SPINK5: variants seen among roughly 807,000 people sequenced by gnomAD.
SPINK5 encodes serine protease inhibitor Kazal-type 5.
SPINK5 carries 125 observed loss-of-function variants against 151.8 expected under a neutral mutation model. That is an observed-to-expected ratio of 0.82 (90% confidence interval 0.71 to 0.96). The LOEUF is 0.96. SPINK5 is among the 40% of genes least tolerant of loss of function. SPINK5 has a pLI of 0.00. For synonymous variants in SPINK5, 374 were observed against 395.3 expected, an observed-to-expected ratio of 0.95 and a Z score of 0.64; for missense variants, 1,194 against 1,291.9, an observed-to-expected ratio of 0.92 and a Z score of 1.16.
intron 32 of SPINK5, among the ~76,000 whole-genome samples, chr5:148,136,600 T>C (rs1365698203): frequency 6.6e-6 from 1 of 152,174 alleles, no homozygotes; most frequent in Non-Finnish European, 1.5e-5. Flanking sequence ...AGAAAAACAT[T>C]CGTATTACAG....
At position 148,064,059 on chromosome 5, in the gene SPINK5, A is replaced by G; in HGVS notation, c.15A>G (p.Thr5=). The G allele has an allele frequency of 6.2e-7, 1 of 1,614,214 alleles. No homozygotes were observed. Among genetic ancestry groups the G allele is most frequent in the Non-Finnish European group, 8.5e-7 (1 of 1,180,038 alleles). ...TCGTCTTCAACATGAAGATAGCCAC[A>G]GTGTCAGTGCTTCTGCCCTTGGCTC... MKIA[T]VSVLLPLALC... The change falls in exon 1 of 33, where the codon ACA becomes ACG. Residue 5 remains threonine (T), a synonymous_variant. Transcript: ENST00000256084.
Position 148,120,328 on chromosome 5 carries a change from G to C in SPINK5, c.2475G>C (p.Glu825Asp), listed in dbSNP as rs2303070. ...EREAAEKKKK[E>D]DEDRSNTGER... is the part of the protein sequence containing the mutation. Reference sequence around the variant, plus strand: ...AAGCAGCTGAAAAAAAAAAGAAAGAGGATGAAGACAGGAGCAATACAGGAG... The same window carrying C: ...AAGCAGCTGAAAAAAAAAAGAAAGACGATGAAGACAGGAGCAATACAGGAG... Residue 825 changes from glutamate (E) to aspartate (D), a missense_variant, in exon 26 of 33, where the codon GAG becomes GAC. Glu to Asp is a conservative substitution (Grantham distance 45, BLOSUM62 2). Coordinates refer to ENST00000256084, the MANE Select transcript of SPINK5 (RefSeq NM_006846.4). The C allele has an allele frequency of 3.1e-6, 5 of 1,603,716 alleles. No homozygotes were observed. Among genetic ancestry groups the C allele is most frequent in the Non-Finnish European group, 4.3e-6 (5 of 1,174,486 alleles).
At chr5:148,104,563 A>G (rs1201943304) in intron 15 of SPINK5, among the ~76,000 whole-genome samples, 2 of 152,140 alleles carry the variant, frequency 1.3e-5, no homozygotes, top group Non-Finnish European at 2.9e-5. Context: ...ACAATAAATG[A>G]TCAAGCTATG....
At chr5:148,108,876 A>C in intron 18 of SPINK5, 39 bp downstream of exon 18, 1 of 1,608,596 alleles carries the variant, frequency 6.2e-7, no homozygotes, top group Non-Finnish European at 8.5e-7. Flanking sequence ...TAAATATTCA[A>C]CGATCACTCT....
chr5:148,096,791 C>G (rs1385595369), intron 10 of SPINK5, among the ~76,000 whole-genome samples: 1 of 78,762 alleles, frequency 1.3e-5, no homozygotes, highest in African/African-American at 5.6e-5. Flanking sequence ...TCTTTTTTTT[C>G]TCTGTCACCC....
intron 5 of SPINK5, 26 bp downstream of exon 5, chr5:148,086,558 C>T: frequency 6.2e-7 from 1 of 1,608,406 alleles, no homozygotes; most frequent in Non-Finnish European, 8.5e-7. Context: ...AGTAGGCTTT[C>T]TCCCTAAAAC....
chr5:148,103,676 T>A (rs1753706033), intron 15 of SPINK5, among the ~76,000 whole-genome samples: 1 of 152,192 alleles, frequency 6.6e-6, no homozygotes, highest in African/African-American at 2.4e-5. Flanking sequence ...TGAAAAGAAA[T>A]AACCTTTATC....
At chr5:148,127,722 G>T (rs978624415) in intron 30 of SPINK5, among the ~76,000 whole-genome samples, 1 of 152,038 alleles carries the variant, frequency 6.6e-6, no homozygotes, top group Non-Finnish European at 1.5e-5. Context: ...GCTGGGCATG[G>T]TGCCTTGTGC....
chr5:148,097,821 A>G, intron 10 of SPINK5, 46 bp from the exon 11 acceptor site: 2 of 1,557,420 alleles, frequency 1.3e-6, no homozygotes, highest in South Asian at 2.3e-5. Context: ...ACATTCATAC[A>G]TAGAAAACAG....
At chr5:148,097,813 AT>A (rs1753509427) in intron 10 of SPINK5, 53 bp from the exon 11 acceptor site, 2 of 1,533,502 alleles carry the variant, frequency 1.3e-6, no homozygotes, top group South Asian at 2.3e-5. Flanking sequence ...AACATTTAAC[AT>A]TCATACATAG....
At position 148,104,948 on chromosome 5, in the gene SPINK5, A is replaced by G. The variant is rs2113132837; in HGVS notation, c.1431-4A>G. The G allele has an allele frequency of 6.2e-7, 1 of 1,612,052 alleles. No homozygotes were observed. The highest frequency in any genetic ancestry group is 1.1e-5 in the South Asian group (1 of 90,458). ...TCTCTCTTTTTCTTTTCGGTTTCTT[A>G]AAGTCAACAAGAAGAAAGAGCAAGA... On this transcript the variant is annotated splice_region_variant and splice_polypyrimidine_tract_variant and intron_variant, in intron 15 of 32. Coordinates refer to ENST00000256084, the MANE Select transcript of SPINK5 (RefSeq NM_006846.4).
At chr5:148,120,197 A>T in intron 25 of SPINK5, 61 bp downstream of exon 25, 1 of 1,613,186 alleles carries the variant, frequency 6.2e-7, no homozygotes, top group South Asian at 1.1e-5. Context: ...ATCATTTCTT[A>T]CCAGTTTGGG....
intron 23 of SPINK5, among the ~76,000 whole-genome samples, 199 bp downstream of exon 23, chr5:148,118,763 T>C (rs1257051227): frequency 6.6e-6 from 1 of 152,210 alleles, no homozygotes; most frequent in African/African-American, 2.4e-5. Flanking sequence ...TGATTTCTAT[T>C]GTATTTTCTA....
chr5:148,125,300 C>T (rs1208251198), intron 28 of SPINK5, among the ~76,000 whole-genome samples: 3 of 152,122 alleles, frequency 2.0e-5, no homozygotes, highest in Non-Finnish European at 2.9e-5. Flanking sequence ...AGTGTGCATG[C>T]GTGATGCTTT....
chr5:148,099,128 A>T (rs1304312009), intron 11 of SPINK5, 106 bp from the exon 12 acceptor site: 2 of 1,028,752 alleles, frequency 1.9e-6, no homozygotes, highest in Non-Finnish European at 2.9e-6. Context: ...AAGGGACAAA[A>T]TTGTTCCACT....
chr5:148,097,155 C>G (rs1581076733), intron 10 of SPINK5, among the ~76,000 whole-genome samples: 1 of 151,086 alleles, frequency 6.6e-6, no homozygotes, highest in Admixed American at 6.6e-5. Flanking sequence ...GTTCTAACTT[C>G]AGTCCCTAGT....
At position 148,064,113 on chromosome 5, in the gene SPINK5, G is replaced by A. The variant is rs1399666623; in HGVS notation, c.55+14G>A. The A allele has an allele frequency of 1.2e-6, 2 of 1,613,988 alleles. No homozygotes were observed. Among genetic ancestry groups the A allele is most frequent in the Non-Finnish European group, 1.7e-6 (2 of 1,179,954 alleles). ...GCCTCATACAAGGTGAGCAATTTGTGTGTAATCTAAGCCTCTTGCCACACA... is the reference window on the plus strand; with the variant it reads ...GCCTCATACAAGGTGAGCAATTTGTATGTAATCTAAGCCTCTTGCCACACA... On this transcript the variant is annotated intron_variant, in intron 1 of 32. Coordinates refer to ENST00000256084, the MANE Select transcript of SPINK5 (RefSeq NM_006846.4).
chr5:148,091,088 A>G, intron 7 of SPINK5, 77 bp from the exon 8 acceptor site: 1 of 1,215,798 alleles, frequency 8.2e-7, no homozygotes, highest in Non-Finnish European at 1.2e-6. Flanking sequence ...AGGATATGAA[A>G]GTGTTTAGCA....
intron 4 of SPINK5, among the ~76,000 whole-genome samples, chr5:148,078,530 A>T (rs552614048): frequency 6.6e-6 from 1 of 151,080 alleles, no homozygotes; most frequent in East Asian, 2.0e-4. Context: ...GATACACTAT[A>T]TACTAAGGTA....
Sources: allele counts gnomAD v4.1 joint callset (sites outside exome capture counted in the v4.1 genomes callset), GRCh38; gene constraint gnomAD v4.1.1; transcripts MANE v1.5; gene names NCBI Gene and HGNC (gene_info 2026-07-23, HGNC 2026-07-21).